DENND1B: variants seen among roughly 807,000 people sequenced by gnomAD.
The protein encoded by DENND1B is DENN domain containing 1B, also known as DENN domain-containing protein 1B.
A neutral mutation model predicts 90.1 loss-of-function variants in DENND1B; 59 were observed. The observed-to-expected ratio is 0.65, with a 90% CI of 0.53 to 0.81. The LOEUF (loss-of-function observed/expected upper bound fraction) is 0.81. Ranked by LOEUF, DENND1B falls within the 40% of genes least tolerant of loss-of-function variation. The pLI, the probability that DENND1B is intolerant of heterozygous loss-of-function variation, is 0.00. For missense variants in DENND1B, 862 were observed against 912.6 expected (o/e 0.94, Z 0.71); for synonymous variants, 337 against 324.6 (o/e 1.04, Z -0.41).
chr1:197,773,287 T>A (rs916705132), intron 1 of DENND1B, among the ~76,000 whole-genome samples: 15 of 152,172 alleles, frequency 9.9e-5, no homozygotes, highest in African/African-American at 3.1e-4. Flanking sequence ...AAAGTATTGG[T>A]TTTATCTTAT....
At chr1:197,736,120 T>C (rs983307734) in intron 2 of DENND1B, 15 of 690,102 alleles carry the variant, frequency 2.2e-5, no homozygotes, top group Non-Finnish European at 3.8e-5. Flanking sequence ...ACTGGCAGAT[T>C]AGATTTTTAA....
At chr1:197,534,803 C>T (rs6685459) in intron 20 of DENND1B, among the ~76,000 whole-genome samples, 145,303 of 152,294 alleles carry the variant, frequency 0.95, 69,693 homozygotes, top group East Asian at 1. Flanking sequence ...TTTCTAGAAA[C>T]ATTACATATT....
rs1470625374 is a variant in DENND1B, at chr1:197,617,694, G to C, written c.738C>G (p.Ile246Met). 2.5e-6 allele frequency: 4 copies of C among 1,607,608 alleles called. No individual in the cohort carries two copies. In the Admixed American group the frequency reaches 5.0e-5, roughly 20 times the overall value. ...LYPMYWQHIYIPVLPPHLLDY... is the reference protein window; with the variant it reads ...LYPMYWQHIYMPVLPPHLLDY... ...CCAGCAGGTGTGGAGGAAGCACTGG[G>C]ATGTATATGTGTTGCCAATACATTG... Residue 246 changes from isoleucine to methionine, a missense_variant, in exon 11 of 23, where the codon ATC becomes ATG. By Grantham distance (10) the Ile-to-Met change is conservative. Transcript: ENST00000620048.
chr1:197,612,677 A>T (rs1456736793), intron 11 of DENND1B, among the ~76,000 whole-genome samples: 1 of 150,724 alleles, frequency 6.6e-6, no homozygotes, highest in Non-Finnish European at 1.5e-5. Context: ...CTCAAGTGTG[A>T]GAATAATCTT....
chr1:197,575,730 C>T (rs1299868388), intron 15 of DENND1B, among the ~76,000 whole-genome samples: 6 of 152,268 alleles, frequency 3.9e-5, no homozygotes, highest in South Asian at 2.1e-4. Context: ...GGCACATATA[C>T]GTCATGGAAT....
At chr1:197,621,853 T>C (rs1020207948) in intron 10 of DENND1B, among the ~76,000 whole-genome samples, 1 of 151,488 alleles carries the variant, frequency 6.6e-6, no homozygotes, top group Non-Finnish European at 1.5e-5. Flanking sequence ...TAAAGGTTTA[T>C]GGAAAAAAAT....
At chr1:197,714,976 G>T in intron 3 of DENND1B, 55 bp downstream of exon 3, 1 of 1,303,994 alleles carries the variant, frequency 7.7e-7, no homozygotes, top group Non-Finnish European at 1.1e-6. Context: ...AGTAATAGTA[G>T]CAACAATCAT....
intron 15 of DENND1B, among the ~76,000 whole-genome samples, chr1:197,580,397 T>C (rs1031253269): frequency 2.6e-5 from 4 of 151,794 alleles, no homozygotes; most frequent in African/African-American, 9.7e-5. Context: ...TAGGATCTAA[T>C]AATTTTCTCC....
chr1:197,688,040 A>C (rs1657441023), intron 3 of DENND1B, among the ~76,000 whole-genome samples: 1 of 152,164 alleles, frequency 6.6e-6, no homozygotes, highest in Admixed American at 6.6e-5. Flanking sequence ...CTATTTGAAA[A>C]GCAAATTAAG....
intron 5 of DENND1B, among the ~76,000 whole-genome samples, chr1:197,666,586 AT>A (rs1271869034): frequency 6.6e-6 from 1 of 152,220 alleles, no homozygotes; most frequent in Admixed American, 6.5e-5. Flanking sequence ...TTTTGGCCCT[AT>A]TAAGCACATG....
At chr1:197,635,098 C>T (rs1354940742) in intron 10 of DENND1B, among the ~76,000 whole-genome samples, 1 of 152,166 alleles carries the variant, frequency 6.6e-6, no homozygotes. Context: ...TACAAAGAAA[C>T]TTTCATTATT....
At chr1:197,591,979 G>A (rs1218940708) in intron 14 of DENND1B, among the ~76,000 whole-genome samples, 1 of 151,566 alleles carries the variant, frequency 6.6e-6, no homozygotes, top group Non-Finnish European at 1.5e-5. Context: ...CATGGTGGCG[G>A]GCACCTGTAG....
At chr1:197,708,093 G>C (rs1426766833) in intron 3 of DENND1B, among the ~76,000 whole-genome samples, 1 of 132,082 alleles carries the variant, frequency 7.6e-6, no homozygotes, top group Non-Finnish European at 1.6e-5. Context: ...ACGGAATCGC[G>C]CTGATTGCTA....
At chr1:197,513,522 T>TTG (rs1668183194) in intron 20 of DENND1B, among the ~76,000 whole-genome samples, 1 of 151,214 alleles carries the variant, frequency 6.6e-6, no homozygotes, top group South Asian at 2.1e-4. Context: ...CTGCTGAATC[T>TTG]GGGGGGTCAC....
chr1:197,732,904 G>A (rs1662279825), intron 2 of DENND1B, among the ~76,000 whole-genome samples: 1 of 152,184 alleles, frequency 6.6e-6, no homozygotes, highest in African/African-American at 2.4e-5. Context: ...CCTCCAAGGA[G>A]TTGTATAATA....
At chr1:197,720,966 G>C (rs16841896) in intron 2 of DENND1B, among the ~76,000 whole-genome samples, 2,811 of 151,756 alleles carry the variant, frequency 0.019, 84 homozygotes, top group African/African-American at 0.064. Flanking sequence ...TCTTCTTAAA[G>C]GTCTAATTCA....
intron 6 of DENND1B, among the ~76,000 whole-genome samples, chr1:197,657,311 A>G (rs1294377155): frequency 1.3e-5 from 2 of 152,218 alleles, no homozygotes; most frequent in Non-Finnish European, 2.9e-5. Flanking sequence ...CTATTGAGAC[A>G]CAGATAAAAG....
chr1:197,583,114 T>A, intron 15 of DENND1B, 38 bp downstream of exon 15: 1 of 1,547,848 alleles, frequency 6.5e-7, no homozygotes, highest in Admixed American at 1.7e-5. Flanking sequence ...ACTGACAATG[T>A]TGTCTTACAA....
At position 197,629,476 on chromosome 1, in the gene DENND1B, A is replaced by G. The variant is rs1302132725; in HGVS notation, c.673-11717T>C. On this transcript the variant is annotated intron_variant, in intron 10 of 22. Transcript: ENST00000620048. ...CTCACTCATAGGTGGGAATTGAACA[A>G]TGAGAACACATGGACACAGGAAGGG... Among the ~76,000 whole-genome samples, 3 of 142,384 alleles carry G rather than the reference A, an allele frequency of 2.1e-5. No individual in the cohort carries two copies. The Admixed American group carries it at 2.2e-4, about 11-fold the overall frequency. 93.4% of individuals were successfully genotyped at this position (142,384 alleles called of 152,430 possible).
Sources: allele counts gnomAD v4.1 joint callset (sites outside exome capture counted in the v4.1 genomes callset), GRCh38; gene constraint gnomAD v4.1.1; transcripts MANE v1.5; gene names NCBI Gene and HGNC (gene_info 2026-07-23, HGNC 2026-07-21).